PIK3AP1: variants seen among roughly 807,000 people sequenced by gnomAD.
PIK3AP1 encodes the protein phosphoinositide-3-kinase adaptor protein 1, also known as phosphoinositide 3-kinase adapter protein 1.
A neutral mutation model predicts 88.1 loss-of-function variants in PIK3AP1; 21 were observed. The ratio of observed to expected loss-of-function variants is 0.24; its 90% CI spans 0.17 to 0.34. The LOEUF (loss-of-function observed/expected upper bound fraction) is 0.34, where lower values mean the gene tolerates loss of function less well. PIK3AP1 is among the 10% of genes least tolerant of loss of function. The pLI, the probability that PIK3AP1 is intolerant of heterozygous loss-of-function variation, is 1.00. For missense variants in PIK3AP1, 828 were observed against 1,035.7 expected, an observed-to-expected ratio of 0.80 and a Z score of 2.75; for synonymous variants, 398 against 400.0, an observed-to-expected ratio of 1.00 and a Z score of 0.06.
intron 9 of PIK3AP1, among the ~76,000 whole-genome samples, chr10:96,627,667 T>C (rs143959730): frequency 4.6e-5 from 7 of 152,246 alleles, no homozygotes; most frequent in Non-Finnish European, 7.4e-5. Flanking sequence ...CCACCATACA[T>C]TGCAAATGAT....
At chr10:96,686,390 C>T (rs1420885502) in intron 2 of PIK3AP1, among the ~76,000 whole-genome samples, 1 of 152,112 alleles carries the variant, frequency 6.6e-6, no homozygotes, top group Non-Finnish European at 1.5e-5. Flanking sequence ...CACTCTAGCT[C>T]GGGAACCAAA....
At chr10:96,651,796 G>C (rs1843542468) in intron 4 of PIK3AP1, 145 bp from the exon 5 acceptor site, 1 of 960,776 alleles carries the variant, frequency 1.0e-6, no homozygotes, top group Non-Finnish European at 1.5e-6. Context: ...GCTGGGGCGG[G>C]AGTGAGGGAA....
chr10:96,718,921 C>T lies in PIK3AP1; in HGVS notation c.13+1461G>A, dbSNP rs564862985. On this transcript the variant is annotated intron_variant, in intron 1 of 16. Transcript: ENST00000339364. ...TTTAACGCACCACATACACTCATTG[C>T]TTGGAGCACTCTTCCCCAAAGAGCC... 5.9e-5 allele frequency among the ~76,000 whole-genome samples: 9 copies of T among 152,284 alleles called. 1 individual carries two copies. Among genetic ancestry groups the T allele is most frequent in the African/African-American group, 2.2e-4 (9 of 41,548 alleles).
intron 8 of PIK3AP1, among the ~76,000 whole-genome samples, chr10:96,644,121 C>T (rs1843427644): frequency 6.6e-6 from 1 of 152,182 alleles, no homozygotes; most frequent in Admixed American, 6.5e-5. Flanking sequence ...GGTGGTGGCA[C>T]TGCCCCCTGG....
At chr10:96,689,664 C>A (rs1236853674) in intron 2 of PIK3AP1, among the ~76,000 whole-genome samples, 1 of 151,774 alleles carries the variant, frequency 6.6e-6, no homozygotes, top group Non-Finnish European at 1.5e-5. Context: ...TTTCAACTGT[C>A]CACCCCATTG....
chr10:96,651,121 G>C (rs767124769), intron 6 of PIK3AP1, 127 bp downstream of exon 6: 12 of 1,242,336 alleles, frequency 9.7e-6, no homozygotes, highest in Admixed American at 2.0e-5. Context: ...CTTATCACAG[G>C]ATAGGTTATA....
intron 13 of PIK3AP1, among the ~76,000 whole-genome samples, chr10:96,615,667 C>T (rs1375105763): frequency 3.9e-5 from 6 of 152,068 alleles, no homozygotes; most frequent in Middle Eastern, 3.2e-3. Flanking sequence ...TAGAGTGGTC[C>T]AGGAAGGTGT....
At chr10:96,668,236 C>T (rs1489618529) in intron 2 of PIK3AP1, among the ~76,000 whole-genome samples, 3 of 152,008 alleles carry the variant, frequency 2.0e-5, no homozygotes, top group Non-Finnish European at 2.9e-5. Flanking sequence ...CCGCATACAC[C>T]AAAAACTGCT....
intron 8 of PIK3AP1, among the ~76,000 whole-genome samples, chr10:96,628,921 T>TATAC (rs1564961385): frequency 4.6e-5 from 6 of 129,794 alleles, no homozygotes; most frequent in South Asian, 5.1e-4. Context: ...TATATATATA[T>TATAC]ATATATATGG....
At chr10:96,606,477 C>G (rs542386317) in intron 14 of PIK3AP1, among the ~76,000 whole-genome samples, 23 of 152,356 alleles carry the variant, frequency 1.5e-4, no homozygotes, top group African/African-American at 5.5e-4. Flanking sequence ...TCCCACTGTC[C>G]CTTCTGCTGG....
intron 16 of PIK3AP1, 144 bp from the exon 17 acceptor site, chr10:96,595,778 G>A: frequency 1.3e-6 from 1 of 771,354 alleles, no homozygotes; most frequent in South Asian, 1.7e-5. Context: ...ATGTATGAGT[G>A]ACACGCATGC....
At chr10:96,604,960 A>G (rs1047107065) in intron 14 of PIK3AP1, among the ~76,000 whole-genome samples, 1 of 152,082 alleles carries the variant, frequency 6.6e-6, no homozygotes, top group African/African-American at 2.4e-5. Flanking sequence ...CCCAGGTTCA[A>G]TGGATTCTCC....
At chr10:96,697,721 C>G (rs1438561291) in intron 2 of PIK3AP1, among the ~76,000 whole-genome samples, 1 of 152,030 alleles carries the variant, frequency 6.6e-6, no homozygotes, top group Non-Finnish European at 1.5e-5. Flanking sequence ...AGAGCAAGAC[C>G]CTGTCTCAAA....
intron 2 of PIK3AP1, among the ~76,000 whole-genome samples, chr10:96,707,634 C>CAGTATG (rs1564990849): frequency 6.6e-6 from 1 of 152,098 alleles, no homozygotes; most frequent in African/African-American, 2.4e-5. Flanking sequence ...TTACAGCGTA[C>CAGTATG]AGTATGAGAT....
chr10:96,654,713 A>G (rs1410925145), intron 3 of PIK3AP1, among the ~76,000 whole-genome samples: 1 of 152,224 alleles, frequency 6.6e-6, no homozygotes, highest in Non-Finnish European at 1.5e-5. Flanking sequence ...AGGAGAAGGA[A>G]TGAGAGCCTG....
At chr10:96,711,384 C>A (rs1220794056) in intron 1 of PIK3AP1, among the ~76,000 whole-genome samples, 3 of 152,236 alleles carry the variant, frequency 2.0e-5, no homozygotes, top group Admixed American at 2.0e-4. Context: ...GTCATCATCT[C>A]TCCATGAATT....
intron 16 of PIK3AP1, among the ~76,000 whole-genome samples, chr10:96,598,044 G>GT (rs34971365): frequency 0.14 from 16,585 of 115,834 alleles, 1,241 homozygotes; most frequent in Non-Finnish European, 0.17. Flanking sequence ...TTTTTTTGTT[G>GT]TTTTTTTTTT....
chr10:96,655,945 C>G (rs1451089921), intron 3 of PIK3AP1, among the ~76,000 whole-genome samples: 2 of 152,140 alleles, frequency 1.3e-5, no homozygotes, highest in African/African-American at 2.4e-5. Flanking sequence ...TAAATCTGGC[C>G]CAAAGAAACA....
chr10:96,690,772 C>T (rs1003914658), intron 2 of PIK3AP1, among the ~76,000 whole-genome samples: 2 of 152,168 alleles, frequency 1.3e-5, no homozygotes, highest in African/African-American at 4.8e-5. Context: ...AATCATAGTC[C>T]TCTAATCTCC....
Sources: gnomAD v4.1 joint callset for allele counts (sites outside exome capture counted in the v4.1 genomes callset) on GRCh38, gnomAD v4.1.1 for gene constraint, MANE v1.5 for transcripts, NCBI Gene and HGNC (gene_info 2026-07-23, HGNC 2026-07-21) for gene names.